Variants in CFAP99 observed in about 807,000 individuals in gnomAD.
CFAP99 encodes the protein cilia- and flagella-associated protein 99.
A neutral mutation model predicts 82.7 loss-of-function variants in CFAP99; 84 were observed. That is an observed-to-expected ratio of 1.02 (90% CI 0.85 to 1.22). CFAP99 has a LOEUF of 1.22. CFAP99 is among the 50% of genes most tolerant of loss of function. CFAP99 has a pLI of 0.00. For missense variants in CFAP99, 1,059 were observed against 983.5 expected, an observed-to-expected ratio of 1.08 and a Z score of -1.03; for synonymous variants, 456 against 429.5, an observed-to-expected ratio of 1.06 and a Z score of -0.76.
chr4:2,450,045 A>G, intron 8 of CFAP99, 40 bp downstream of exon 8: 1 of 1,526,774 alleles, frequency 6.5e-7, no homozygotes, highest in Non-Finnish European at 8.8e-7. Context: ...TCGAGGTGCC[A>G]TCTTCTCAAG....
At chr4:2,424,677 C>G (rs1733649484) in intron 1 of CFAP99, among the ~76,000 whole-genome samples, 1 of 152,208 alleles carries the variant, frequency 6.6e-6, no homozygotes, top group African/African-American at 2.4e-5. Flanking sequence ...GTCCTGCCAG[C>G]CAGTGTCACC....
At chr4:2,447,503 G>A (rs116427609) in intron 6 of CFAP99, among the ~76,000 whole-genome samples, 422 of 151,770 alleles carry the variant, frequency 2.8e-3, no homozygotes, top group African/African-American at 9.6e-3. Flanking sequence ...ATGGATGGGT[G>A]GGTAGATGGA....
At chr4:2,434,868 G>A (rs537438568) in intron 2 of CFAP99, among the ~76,000 whole-genome samples, 7 of 152,216 alleles carry the variant, frequency 4.6e-5, no homozygotes, top group Non-Finnish European at 7.3e-5. Context: ...CTAGAAGGGC[G>A]TGGGAATGGC....
chr4:2,460,267 G>C, intron 14 of CFAP99, 25 bp downstream of exon 14: 1 of 1,532,444 alleles, frequency 6.5e-7, no homozygotes, highest in East Asian at 2.4e-5. Context: ...CGGGGAGGGT[G>C]CCTCTGGGTG....
chr4:2,438,160 G>A (rs1357158489), exon 4 of CFAP99: 2 of 1,533,066 alleles, frequency 1.3e-6, no homozygotes, highest in African/African-American at 1.4e-5. Flanking sequence ...GATAAGATGT[G>A]CAAGGTGAGC....
At chr4:2,440,696 C>A (rs1217703381) in intron 4 of CFAP99, among the ~76,000 whole-genome samples, 1 of 151,844 alleles carries the variant, frequency 6.6e-6, no homozygotes, top group African/African-American at 2.4e-5. Context: ...AGGTTCATGC[C>A]ATTCTCCTGC....
chr4:2,437,054 G>C (rs753799457), intron 3 of CFAP99, 36 bp downstream of exon 3: 2 of 1,535,154 alleles, frequency 1.3e-6, no homozygotes, highest in East Asian at 2.4e-5. Context: ...CCAGGCCGTA[G>C]AGACGGTTCA....
chr4:2,452,172 C>T (rs1734316860), exon 11 of CFAP99: 1 of 1,536,166 alleles, frequency 6.5e-7, no homozygotes, highest in South Asian at 1.2e-5. Flanking sequence ...GGGCTGGGGA[C>T]TTCTCTGAGT....
chr4:2,425,924 C>G (rs1428071655), intron 1 of CFAP99, among the ~76,000 whole-genome samples: 1 of 152,132 alleles, frequency 6.6e-6, no homozygotes, highest in East Asian at 1.9e-4. Flanking sequence ...GGCGTTGACC[C>G]CAGGGACCCC....
At chr4:2,423,821 A>G (rs1367197504) in intron 1 of CFAP99, among the ~76,000 whole-genome samples, 1 of 147,044 alleles carries the variant, frequency 6.8e-6, no homozygotes, top group African/African-American at 2.5e-5. Context: ...CTTGCCCCGA[A>G]TCATCAGGAC....
chr4:2,424,503 C>T (rs6848218), intron 1 of CFAP99, among the ~76,000 whole-genome samples: 25,470 of 152,198 alleles, frequency 0.17, 2,385 homozygotes, highest in African/African-American at 0.25. Flanking sequence ...GGTGGTGCAG[C>T]CAGCAGGGAG....
At chr4:2,453,761 CTTTA>C (rs1323956153) in intron 11 of CFAP99, among the ~76,000 whole-genome samples, 14 of 113,182 alleles carry the variant, frequency 1.2e-4, no homozygotes, top group Middle Eastern at 9.4e-3. Flanking sequence ...TTTTTTGGTT[CTTTA>C]TTTATTTAAC....
chr4:2,452,996 A>G (rs995334926), intron 11 of CFAP99, among the ~76,000 whole-genome samples: 1 of 152,140 alleles, frequency 6.6e-6, no homozygotes, highest in Non-Finnish European at 1.5e-5. Flanking sequence ...CTGGAAGGTC[A>G]AGGTTGCAGT....
exon 13 of CFAP99, chr4:2,459,153 G>A (rs762189659): frequency 2.5e-5 from 38 of 1,535,002 alleles, no homozygotes; most frequent in South Asian, 2.0e-4. Flanking sequence ...AGCGCAGGGC[G>A]CAGGCAGCCC....
chr4:2,432,597 C>T (rs1464745980), intron 2 of CFAP99, among the ~76,000 whole-genome samples: 2 of 152,190 alleles, frequency 1.3e-5, no homozygotes, highest in African/African-American at 4.8e-5. Context: ...CGGCCTGGAC[C>T]TGGTCTAGCT....
In CFAP99 at chr4:2,434,099, G is replaced by A. The variant is rs995671856; in HGVS notation, c.112-2775G>A. Among the ~76,000 whole-genome samples, 9 of 152,328 alleles carry A rather than the reference G, an allele frequency of 5.9e-5. No individual in the cohort carries two copies. In the East Asian group the frequency reaches 9.7e-4, roughly 16 times the overall value. On this transcript the variant is annotated intron_variant, in intron 2 of 14. Coordinates refer to ENST00000635017, the Ensembl canonical transcript of CFAP99. ...AGACACGCTGGGAGTAAGGAACCAC[G>A]TTTACTGCGCCGCAAGGTTGGCAGG...
Position 2,462,098 on chromosome 4 carries a change from A to T in CFAP99, c.1662-345A>T. The T allele has an allele frequency of 5.6e-6, 1 of 177,142 alleles. No individual in the cohort carries two copies. The highest frequency in any genetic ancestry group is 1.2e-5 in the Non-Finnish European group (1 of 84,790). The allele number at this position is 177,142 out of a possible 1,614,324, so 11.0% of individuals were successfully genotyped here. On this transcript the variant is annotated intron_variant, in intron 14 of 14. Transcript: ENST00000635017. The surrounding 1 kb of genome is among the most constrained non-coding windows in gnomAD (Gnocchi z 4.1). ...CTTGAGCCTGGGAGGTCAAGGCTGC[A>T]GTGAGCCATGATCGCGCCACTGCAC...
At chr4:2,426,410 CG>C in intron 1 of CFAP99, 48 bp from the exon 2 acceptor site, 1 of 1,190,328 alleles carries the variant, frequency 8.4e-7, no homozygotes, top group Non-Finnish European at 1.2e-6. Context: ...GAGGGTCCTG[CG>C]GCTACATCCC....
intron 6 of CFAP99, among the ~76,000 whole-genome samples, chr4:2,449,058 G>A (rs1734241222): frequency 6.6e-6 from 1 of 152,140 alleles, no homozygotes; most frequent in South Asian, 2.1e-4. Flanking sequence ...TTCCATGACT[G>A]TTAGATGTGC....
Sources: gnomAD v4.1 joint callset for allele counts (sites outside exome capture counted in the v4.1 genomes callset) on GRCh38, gnomAD v4.1.1 for gene constraint, Gnocchi (gnomAD v3.1) non-coding constraint, MANE v1.5 for transcripts, NCBI Gene and HGNC (gene_info 2026-07-23, HGNC 2026-07-21) for gene names.